The following RBFOX1 variants were observed in gnomAD, a reference collection of about 807,000 sequenced individuals.
RBFOX1 encodes the protein RNA binding fox-1 homolog 1.
A neutral mutation model predicts 57.7 loss-of-function variants in RBFOX1; 8 were observed. That is an observed-to-expected ratio of 0.14 (90% CI 0.08 to 0.25). RBFOX1 has a LOEUF of 0.25. Ranked by LOEUF, RBFOX1 falls within the 10% of genes least tolerant of loss-of-function variation. The pLI, the probability that RBFOX1 is intolerant of heterozygous loss-of-function variation, is 1.00. For missense variants in RBFOX1, 611 were observed against 548.5 expected, an observed-to-expected ratio of 1.11 and a Z score of -1.14; for synonymous variants, 326 against 222.4, an observed-to-expected ratio of 1.47 and a Z score of -4.15.
chr16:7,212,382 C>G lies in RBFOX1; in HGVS notation c.27+160284C>G, dbSNP rs149895697. On this transcript the variant is annotated intron_variant, in intron 4 of 15. Coordinates refer to ENST00000550418, the MANE Select transcript of RBFOX1 (RefSeq NM_018723.4). ...CCGCGTTGACCCTAGCGCTTGATGA[C>G]TGAGGAACACTTGTGTTATTAGCAA... Among the ~76,000 whole-genome samples the G allele has an allele frequency of 1.2e-3, 189 of 152,228 alleles. 1 individual carries two copies. The highest frequency in any genetic ancestry group is 4.4e-3 in the African/African-American group (183 of 41,542).
intron 3 of RBFOX1, among the ~76,000 whole-genome samples, chr16:6,992,267 G>A (rs1034575948): frequency 1.3e-5 from 2 of 151,978 alleles, no homozygotes; most frequent in African/African-American, 4.8e-5. Context: ...GGATTCAAGG[G>A]ATTTTCCTGG....
At chr16:5,597,298 G>A (rs1012658533) in intron 2 of RBFOX1, among the ~76,000 whole-genome samples, 7 of 129,612 alleles carry the variant, frequency 5.4e-5, no homozygotes, top group Non-Finnish European at 9.3e-5. Flanking sequence ...TTGCTCTCCC[G>A]CCCTCTCTCT....
At chr16:6,344,407 C>CTTTTTTTCTTTTT (rs1555635140) in intron 2 of RBFOX1, among the ~76,000 whole-genome samples, 3 of 109,846 alleles carry the variant, frequency 2.7e-5, no homozygotes, top group African/African-American at 1.3e-4. Flanking sequence ...TCTTTTTTTT[C>CTTTTTTTCTTTTT]TTTTTTTTTT....
intron 3 of RBFOX1, among the ~76,000 whole-genome samples, chr16:7,003,096 A>T (rs191631577): frequency 6.6e-6 from 1 of 152,082 alleles, no homozygotes; most frequent in Non-Finnish European, 1.5e-5. Context: ...ATTTACAAAG[A>T]ATAGTCTTGC....
intron 14 of RBFOX1, among the ~76,000 whole-genome samples, chr16:7,694,046 A>G (rs2078027747): frequency 6.6e-6 from 1 of 152,182 alleles, no homozygotes; most frequent in African/African-American, 2.4e-5. Flanking sequence ...TGTGGTTCAG[A>G]ACAGTTAAAT....
intron 3 of RBFOX1, among the ~76,000 whole-genome samples, chr16:5,834,890 T>G (rs1261868318): frequency 1.3e-5 from 2 of 152,186 alleles, no homozygotes; most frequent in Admixed American, 6.5e-5. Flanking sequence ...GACTGAATGG[T>G]AGATCTACTT....
chr16:6,315,168 A>T (rs1281089102), intron 1 of RBFOX1, among the ~76,000 whole-genome samples: 1 of 152,254 alleles, frequency 6.6e-6, no homozygotes, highest in Non-Finnish European at 1.5e-5. Flanking sequence ...GTTTATTCCC[A>T]TTTTAATGAT....
chr16:7,113,005 C>G (rs904130526), intron 4 of RBFOX1, among the ~76,000 whole-genome samples: 10 of 152,148 alleles, frequency 6.6e-5, no homozygotes, highest in Non-Finnish European at 1.3e-4. Context: ...TACATGAATT[C>G]AGGGGTGAGT....
intron 3 of RBFOX1, among the ~76,000 whole-genome samples, chr16:6,920,927 C>T (rs889262651): frequency 2.5e-4 from 38 of 152,288 alleles, no homozygotes; most frequent in African/African-American, 9.1e-4. Flanking sequence ...TAGGTTTTTG[C>T]AGGACACTAT....
chr16:6,207,232 G>C (rs1323469009), intron 1 of RBFOX1, among the ~76,000 whole-genome samples: 1 of 152,106 alleles, frequency 6.6e-6, no homozygotes, highest in East Asian at 1.9e-4. Flanking sequence ...TGGCTTCTGA[G>C]ACTCTCCTTG....
At chr16:5,342,357 G>C (rs9926353) in intron 1 of RBFOX1, among the ~76,000 whole-genome samples, 19,472 of 152,014 alleles carry the variant, frequency 0.13, 3,220 homozygotes, top group African/African-American at 0.39. Flanking sequence ...AAAGCCTTGG[G>C]GGACTACAGA....
chr16:7,477,353 T>C (rs2062949551), intron 4 of RBFOX1, among the ~76,000 whole-genome samples: 1 of 152,168 alleles, frequency 6.6e-6, no homozygotes, highest in East Asian at 1.9e-4. Context: ...CCCTAAATCA[T>C]TGTGAGGACC....
chr16:5,771,107 G>C (rs2053963078), intron 3 of RBFOX1, among the ~76,000 whole-genome samples: 1 of 152,192 alleles, frequency 6.6e-6, no homozygotes, highest in Non-Finnish European at 1.5e-5. Flanking sequence ...TGTGTAAAGT[G>C]AAAGATCAAA....
intron 3 of RBFOX1, among the ~76,000 whole-genome samples, chr16:6,837,050 A>T (rs1025267685): frequency 2.6e-5 from 4 of 152,202 alleles, no homozygotes; most frequent in African/African-American, 7.2e-5. Context: ...AGCCCAGGAC[A>T]GGGTAAGGAT....
At chr16:5,949,738 C>T (rs2059481965) in intron 4 of RBFOX1, among the ~76,000 whole-genome samples, 2 of 152,142 alleles carry the variant, frequency 1.3e-5, no homozygotes, top group African/African-American at 4.8e-5. Context: ...CCAGCAGCAG[C>T]AGCATCAACT....
At chr16:7,170,378 A>C (rs1478723) in intron 4 of RBFOX1, among the ~76,000 whole-genome samples, 131,599 of 152,124 alleles carry the variant, frequency 0.87, 57,004 homozygotes, top group East Asian at 0.98. Context: ...TGCAAGTGAT[A>C]CTCTCACCTC....
chr16:7,194,089 C>T (rs1196799312), intron 4 of RBFOX1, among the ~76,000 whole-genome samples: 25 of 152,058 alleles, frequency 1.6e-4, no homozygotes, highest in Admixed American at 1.6e-3. Flanking sequence ...GAGTTATTCT[C>T]TTTCCATTTC....
At chr16:5,633,734 C>A (rs546508161) in intron 3 of RBFOX1, among the ~76,000 whole-genome samples, 2 of 151,746 alleles carry the variant, frequency 1.3e-5, no homozygotes, top group African/African-American at 4.8e-5. Context: ...ATTAGCCGGG[C>A]GTCGTGGTGC....
intron 1 of RBFOX1, among the ~76,000 whole-genome samples, chr16:5,444,454 T>G (rs1255156122): frequency 6.6e-6 from 1 of 152,134 alleles, no homozygotes; most frequent in Non-Finnish European, 1.5e-5. Flanking sequence ...AGAAAATCAT[T>G]CTTATTGGAG....
Sources: allele counts gnomAD v4.1 joint callset (sites outside exome capture counted in the v4.1 genomes callset), GRCh38; gene constraint gnomAD v4.1.1; transcripts MANE v1.5; gene names NCBI Gene and HGNC (gene_info 2026-07-23, HGNC 2026-07-21).